The following CALD1 variants were observed in gnomAD, a reference collection of about 807,000 sequenced individuals.
CALD1 encodes caldesmon.
A neutral mutation model predicts 99.9 loss-of-function variants in CALD1; 33 were observed. That is an observed-to-expected ratio of 0.33 (90% CI 0.25 to 0.44). The LOEUF (loss-of-function observed/expected upper bound fraction) is 0.44, where lower values mean the gene tolerates loss of function less well. CALD1 is among the 20% of genes least tolerant of loss of function. The probability of loss-of-function intolerance (pLI) is 1.00; values close to 1 mark genes in which losing one functional copy is unlikely to be tolerated. For missense variants in CALD1, 861 were observed against 962.1 expected (o/e 0.89, Z 1.39); for synonymous variants, 310 against 325.0 (o/e 0.95, Z 0.50).
chr7:134,757,228 T>C (rs769353624), intron 1 of CALD1, among the ~76,000 whole-genome samples: 9 of 152,176 alleles, frequency 5.9e-5, no homozygotes, highest in Non-Finnish European at 1.3e-4. Context: ...AAACTGCACT[T>C]ACTTTACTCT....
intron 1 of CALD1, among the ~76,000 whole-genome samples, chr7:134,822,704 C>T (rs1798829458): frequency 6.6e-6 from 1 of 152,138 alleles, no homozygotes; most frequent in East Asian, 1.9e-4. Flanking sequence ...TCTCATCTTA[C>T]CATCTCCTTT....
chr7:134,931,396 A>T (rs562266490), intron 4 of CALD1, among the ~76,000 whole-genome samples: 12 of 152,262 alleles, frequency 7.9e-5, no homozygotes, highest in African/African-American at 2.2e-4. Context: ...TAAATTATAA[A>T]TTTTTTGCAT....
chr7:134,778,059 A>T (rs1364762852), upstream of CALD1, among the ~76,000 whole-genome samples: 1 of 152,196 alleles, frequency 6.6e-6, no homozygotes, highest in Non-Finnish European at 1.5e-5. Context: ...TTTCTCTGGG[A>T]AAGTGCATTC....
intron 1 of CALD1, among the ~76,000 whole-genome samples, chr7:134,782,518 G>A (rs1202282016): frequency 6.6e-6 from 1 of 152,170 alleles, no homozygotes; most frequent in Non-Finnish European, 1.5e-5. Context: ...CTTAACTTAT[G>A]AGAACCACTA....
At chr7:134,796,906 A>T (rs1797764309) in intron 1 of CALD1, among the ~76,000 whole-genome samples, 1 of 152,202 alleles carries the variant, frequency 6.6e-6, no homozygotes, top group Non-Finnish European at 1.5e-5. Context: ...TTTAAAAGCA[A>T]TATTGAGAAT....
At chr7:134,779,564 A>T, upstream of CALD1, 1 of 397,708 alleles carries the variant, frequency 2.5e-6, no homozygotes, top group Non-Finnish European at 4.4e-6. Context: ...CATAGGGGAT[A>T]TGTGTTCACT....
At chr7:134,849,589 G>A (rs905289190) in intron 2 of CALD1, among the ~76,000 whole-genome samples, 5 of 151,694 alleles carry the variant, frequency 3.3e-5, no homozygotes, top group East Asian at 1.9e-4. Flanking sequence ...TTGTTGTATG[G>A]TTTTTTTAAT....
At chr7:134,822,112 T>C (rs7792807) in intron 1 of CALD1, 58,187 of 151,988 alleles carry the variant, frequency 0.38, 11,517 homozygotes, top group East Asian at 0.67. Flanking sequence ...AGCTGACAAC[T>C]TTGTGGCACA....
At chr7:134,968,221 T>C in intron 14 of CALD1, 119 bp from the exon 15 acceptor site, 1 of 791,038 alleles carries the variant, frequency 1.3e-6, no homozygotes, top group Non-Finnish European at 2.3e-6. Context: ...CATAAATATT[T>C]ATTCCTGCCA....
chr7:134,953,051 A>G (rs534291016), intron 9 of CALD1, among the ~76,000 whole-genome samples: 1 of 152,376 alleles, frequency 6.6e-6, no homozygotes, highest in South Asian at 2.1e-4. Flanking sequence ...ATGAGTAGAG[A>G]AAGGCCTTGT....
intron 1 of CALD1, among the ~76,000 whole-genome samples, chr7:134,770,360 C>G (rs1028016338): frequency 6.6e-6 from 1 of 152,196 alleles, no homozygotes; most frequent in African/African-American, 2.4e-5. Context: ...TAGAGCAATG[C>G]ACATTTCTTC....
At chr7:134,845,336 A>G (rs1279780094) in intron 2 of CALD1, among the ~76,000 whole-genome samples, 1 of 152,214 alleles carries the variant, frequency 6.6e-6, no homozygotes, top group East Asian at 1.9e-4. Flanking sequence ...TGAACCTGCA[A>G]TTTATTTGCT....
At chr7:134,904,059 C>T (rs187726272) in intron 3 of CALD1, among the ~76,000 whole-genome samples, 1 of 151,792 alleles carries the variant, frequency 6.6e-6, no homozygotes, top group Non-Finnish European at 1.5e-5. Context: ...CCCGTCTCTA[C>T]TAAAAATACA....
intron 2 of CALD1, among the ~76,000 whole-genome samples, chr7:134,845,841 T>C (rs1799829803): frequency 6.6e-6 from 1 of 152,242 alleles, no homozygotes; most frequent in Non-Finnish European, 1.5e-5. Flanking sequence ...GGAAGAACAC[T>C]GCACGATACT....
At chr7:134,883,513 T>C (rs1801704154) in intron 3 of CALD1, among the ~76,000 whole-genome samples, 1 of 152,204 alleles carries the variant, frequency 6.6e-6, no homozygotes, top group Non-Finnish European at 1.5e-5. Flanking sequence ...GTGGTTATTC[T>C]ATAAATTAGT....
intron 4 of CALD1, 81 bp from the exon 5 acceptor site, chr7:134,932,907 C>T (rs1805637990): frequency 1.9e-5 from 18 of 950,742 alleles, no homozygotes; most frequent in Non-Finnish European, 2.9e-5. Context: ...CTGCTGTAGT[C>T]CTGGGTAGCA....
chr7:134,767,540 T>C (rs1275614484), intron 1 of CALD1, among the ~76,000 whole-genome samples: 3 of 152,214 alleles, frequency 2.0e-5, no homozygotes, highest in Admixed American at 2.0e-4. Flanking sequence ...ATTATAAGAT[T>C]GGCTTTTTTA....
At chr7:134,800,587 T>A (rs764248096) in intron 1 of CALD1, among the ~76,000 whole-genome samples, 8 of 152,074 alleles carry the variant, frequency 5.3e-5, no homozygotes, top group Non-Finnish European at 7.4e-5. Context: ...AACCTTTTAT[T>A]TTTAATATTT....
intron 1 of CALD1, among the ~76,000 whole-genome samples, chr7:134,800,533 T>G (rs144319245): frequency 0.011 from 1,644 of 152,240 alleles, 21 homozygotes; most frequent in Non-Finnish European, 0.017. Context: ...GCTATTAATA[T>G]TGCTACATGT....
Sources: gnomAD v4.1 joint callset for allele counts (sites outside exome capture counted in the v4.1 genomes callset) on GRCh38, gnomAD v4.1.1 for gene constraint, MANE v1.5 for transcripts, NCBI Gene and HGNC (gene_info 2026-07-23, HGNC 2026-07-21) for gene names.